Variants in ZNF521 observed in about 807,000 individuals in gnomAD.
ZNF521 encodes the protein LYST-interacting protein 3.
In ZNF521, 14 loss-of-function variants were observed where a neutral mutation model predicts 105.5. The ratio of observed to expected loss-of-function variants is 0.13; its 90% CI spans 0.09 to 0.21. ZNF521 has a LOEUF of 0.21. ZNF521 is among the 10% of genes least tolerant of loss of function. ZNF521 has a pLI of 1.00. For synonymous variants in ZNF521, 635 were observed against 606.0 expected (o/e 1.05, Z -0.70); for missense variants, 1,233 against 1,629.7 (o/e 0.76, Z 4.19).
intron 6 of ZNF521, among the ~76,000 whole-genome samples, chr18:25,090,832 CGTT>C (rs1456169558): frequency 2.0e-5 from 3 of 152,072 alleles, no homozygotes; most frequent in African/African-American, 7.2e-5. Context: ...ACTCTTGACT[CGTT>C]GTATGTTAGG....
intron 3 of ZNF521, among the ~76,000 whole-genome samples, chr18:25,316,042 T>G (rs888627288): frequency 7.2e-5 from 11 of 152,198 alleles, no homozygotes; most frequent in Non-Finnish European, 1.5e-4. Context: ...GGATTCCCTC[T>G]TTCTTTACAC....
intron 3 of ZNF521, among the ~76,000 whole-genome samples, chr18:25,309,677 G>A (rs1272315558): frequency 2.6e-5 from 4 of 152,102 alleles, no homozygotes; most frequent in African/African-American, 9.7e-5. Context: ...ATAAGAAATA[G>A]TAAGTATATA....
rs372022394 is a variant in ZNF521 at position 25,224,686 on chromosome 18, G to C, written c.3232C>G (p.Gln1078Glu). ...TTGATATCAAGTTTCACCAGATCTT[G>C]CTTGGAACGGAATTCTTTGAGGCAA... ...ASCLKEFRSK[Q>E]DLVKLDINGL... The change falls in exon 4 of 8, where the codon CAA becomes GAA. Residue 1078 changes from glutamine to glutamate, a missense_variant. By Grantham distance (29) the Gln-to-Glu change is conservative. Coordinates refer to ENST00000361524, the MANE Select transcript of ZNF521 (RefSeq NM_015461.3). 56 of 1,613,964 alleles carry C rather than the reference G, an allele frequency of 3.5e-5. No individual in the cohort carries two copies. The highest frequency in any genetic ancestry group is 1.5e-4 in the South Asian group (14 of 91,088).
At chr18:25,072,089 G>A (rs890826101) in intron 7 of ZNF521, among the ~76,000 whole-genome samples, 1 of 152,124 alleles carries the variant, frequency 6.6e-6, no homozygotes, top group Non-Finnish European at 1.5e-5. Flanking sequence ...GTTCAAAAAC[G>A]GCCTATTTTC....
At chr18:25,333,590 A>C (rs1179562617) in intron 2 of ZNF521, among the ~76,000 whole-genome samples, 1 of 152,098 alleles carries the variant, frequency 6.6e-6, no homozygotes, top group Non-Finnish European at 1.5e-5. Context: ...AATTTTTTTC[A>C]GAAACAGTGA....
chr18:25,122,220 G>A (rs1349238069), intron 5 of ZNF521, among the ~76,000 whole-genome samples: 1 of 151,966 alleles, frequency 6.6e-6, no homozygotes, highest in Non-Finnish European at 1.5e-5. Context: ...TAAAGACAGA[G>A]CAACAGAAAC....
chr18:25,090,293 TA>T (rs1008921356), intron 6 of ZNF521, among the ~76,000 whole-genome samples: 35 of 152,174 alleles, frequency 2.3e-4, no homozygotes, highest in African/African-American at 7.2e-4. Context: ...CACTGTGACC[TA>T]AAAAAGTTTG....
chr18:25,282,858 G>A (rs1470195997), intron 3 of ZNF521, among the ~76,000 whole-genome samples: 2 of 152,104 alleles, frequency 1.3e-5, no homozygotes, highest in African/African-American at 4.8e-5. Flanking sequence ...GACAAGGACA[G>A]CAAAGAACAC....
intron 3 of ZNF521, among the ~76,000 whole-genome samples, chr18:25,251,110 G>A (rs1908088416): frequency 6.6e-6 from 1 of 152,152 alleles, no homozygotes; most frequent in Admixed American, 6.5e-5. Context: ...CAAAACTACA[G>A]ATCTTAATTC....
intron 5 of ZNF521, among the ~76,000 whole-genome samples, chr18:25,162,279 A>G (rs924592106): frequency 1.3e-5 from 2 of 152,218 alleles, no homozygotes; most frequent in African/African-American, 4.8e-5. Context: ...GATACTTGCA[A>G]ATGAAGACTG....
chr18:25,231,070 T>A (rs920804615), intron 3 of ZNF521, among the ~76,000 whole-genome samples: 5 of 152,070 alleles, frequency 3.3e-5, no homozygotes, highest in African/African-American at 9.7e-5. Context: ...GCAGCCTGAG[T>A]AAATAAAAGA....
intron 2 of ZNF521, among the ~76,000 whole-genome samples, chr18:25,336,601 T>G (rs566318818): frequency 6.6e-6 from 1 of 152,196 alleles, no homozygotes; most frequent in East Asian, 1.9e-4. Flanking sequence ...TCTATCTACG[T>G]TGGCAAAGCA....
At chr18:25,314,393 T>C (rs182211304) in intron 3 of ZNF521, among the ~76,000 whole-genome samples, 3 of 152,306 alleles carry the variant, frequency 2.0e-5, no homozygotes, top group Admixed American at 2.0e-4. Context: ...AAAAAAATTC[T>C]TTGGCCAAAT....
At chr18:25,283,164 A>C (rs1415001299) in intron 3 of ZNF521, among the ~76,000 whole-genome samples, 2 of 152,048 alleles carry the variant, frequency 1.3e-5, no homozygotes, top group Non-Finnish European at 2.9e-5. Flanking sequence ...ATCAACAAGC[A>C]CCTCCACTCA....
Position 25,091,333 on chromosome 18 carries a change from C to CT in ZNF521, c.3790+616dup, listed in dbSNP as rs1041714968. Among the ~76,000 whole-genome samples, 26 of 150,202 alleles carry CT rather than the reference C, an allele frequency of 1.7e-4. 1 individual carries two copies. The highest frequency in any genetic ancestry group is 4.6e-4 in the African/African-American group (19 of 40,868). ...GCTTCAAATGAGAGTTTCAGATTTA[C>CT]TTTTTTTTTTCTGCTAAAATCTGTA... On this transcript the variant is annotated intron_variant, in intron 6 of 7. Transcript: ENST00000361524.
intron 3 of ZNF521, among the ~76,000 whole-genome samples, chr18:25,282,761 TC>T (rs34845245): frequency 6.6e-6 from 1 of 151,766 alleles, no homozygotes; most frequent in Admixed American, 6.6e-5. Flanking sequence ...TGCTTTTTTT[TC>T]CCCCCTTTAG....
At chr18:25,301,165 A>T (rs1218253786) in intron 3 of ZNF521, among the ~76,000 whole-genome samples, 2 of 152,216 alleles carry the variant, frequency 1.3e-5, no homozygotes, top group African/African-American at 4.8e-5. Flanking sequence ...AGATGTATTT[A>T]AATCTGGAAA....
intron 5 of ZNF521, among the ~76,000 whole-genome samples, chr18:25,141,210 G>A (rs557197985): frequency 6.6e-6 from 1 of 152,274 alleles, no homozygotes; most frequent in Non-Finnish European, 1.5e-5. Context: ...CGTTTTGACT[G>A]AATTAGAGGA....
At chr18:25,289,364 C>G (rs1167636579) in intron 3 of ZNF521, among the ~76,000 whole-genome samples, 1 of 152,170 alleles carries the variant, frequency 6.6e-6, no homozygotes, top group Non-Finnish European at 1.5e-5. Flanking sequence ...CCTTCACATT[C>G]AAGGTTAGAG....
Sources: allele counts gnomAD v4.1 joint callset (sites outside exome capture counted in the v4.1 genomes callset), GRCh38; gene constraint gnomAD v4.1.1; transcripts MANE v1.5; gene names NCBI Gene and HGNC (gene_info 2026-07-23, HGNC 2026-07-21).